Variants in SGCZ observed in about 807,000 individuals in gnomAD.
The protein encoded by SGCZ is sarcoglycan zeta, also known as zeta-sarcoglycan.
A neutral mutation model predicts 41.3 loss-of-function variants in SGCZ; 40 were observed. The observed-to-expected ratio is 0.97, with a 90% CI of 0.75 to 1.26. The LOEUF (loss-of-function observed/expected upper bound fraction) is 1.26. Among genes scored for constraint, SGCZ ranks in the 50% most tolerant of loss-of-function variants. SGCZ has a pLI of 0.00. For missense variants in SGCZ, 552 were observed against 369.8 expected (o/e 1.49, Z -4.04); for synonymous variants, 206 against 137.5 (o/e 1.50, Z -3.49).
chr8:14,709,518 A>T (rs1259131849), intron 1 of SGCZ, among the ~76,000 whole-genome samples: 5 of 152,194 alleles, frequency 3.3e-5, no homozygotes, highest in Non-Finnish European at 7.3e-5. Flanking sequence ...ACCCTTCTCA[A>T]TTGTGCAGAA....
intron 2 of SGCZ, among the ~76,000 whole-genome samples, chr8:14,394,395 C>T (rs187019275): frequency 6.6e-6 from 1 of 152,020 alleles, no homozygotes; most frequent in African/African-American, 2.4e-5. Context: ...GTGATCCACC[C>T]GCCTCGGCCT....
intron 2 of SGCZ, among the ~76,000 whole-genome samples, chr8:14,449,211 A>G (rs1025868479): frequency 2.0e-5 from 3 of 152,186 alleles, no homozygotes; most frequent in Non-Finnish European, 4.4e-5. Context: ...CAACTTAGGC[A>G]AATTTCATGT....
intron 2 of SGCZ, among the ~76,000 whole-genome samples, chr8:14,476,597 GTCAA>G (rs967457962): frequency 2.0e-5 from 3 of 152,012 alleles, no homozygotes; most frequent in Admixed American, 6.6e-5. Context: ...ATGGCTAATG[GTCAA>G]TCAGAGTTTA....
chr8:14,814,361 G>A (rs1039268528), intron 1 of SGCZ, among the ~76,000 whole-genome samples: 3 of 152,092 alleles, frequency 2.0e-5, no homozygotes, highest in Admixed American at 6.5e-5. Flanking sequence ...GCGTGGAGAG[G>A]AGGTAGAAGA....
intron 2 of SGCZ, among the ~76,000 whole-genome samples, chr8:14,325,897 C>T (rs1351914463): frequency 1.4e-5 from 2 of 145,956 alleles, no homozygotes; most frequent in Admixed American, 6.9e-5. Context: ...CGGATCACGA[C>T]GTCAGGAGAT....
intron 2 of SGCZ, among the ~76,000 whole-genome samples, chr8:14,333,202 A>G (rs903911827): frequency 2.0e-5 from 3 of 152,148 alleles, no homozygotes; most frequent in African/African-American, 4.8e-5. Context: ...GCTGGGAACC[A>G]AATCAGTGGT....
intron 1 of SGCZ, among the ~76,000 whole-genome samples, chr8:14,703,745 T>C (rs771846517): frequency 8.6e-5 from 13 of 152,018 alleles, no homozygotes; most frequent in Non-Finnish European, 1.3e-4. Flanking sequence ...GGCTGTGGTC[T>C]CTTAATAACA....
intron 1 of SGCZ, among the ~76,000 whole-genome samples, chr8:14,616,929 C>T (rs1377179119): frequency 6.6e-6 from 1 of 152,018 alleles, no homozygotes; most frequent in Non-Finnish European, 1.5e-5. Flanking sequence ...TTAGGTTGTT[C>T]TCTGCTATTT....
intron 1 of SGCZ, among the ~76,000 whole-genome samples, chr8:14,814,760 G>C (rs900792432): frequency 1.3e-5 from 2 of 152,014 alleles, no homozygotes; most frequent in Admixed American, 6.6e-5. Context: ...GCAGAAATCG[G>C]TTAAGACTAT....
At chr8:14,306,141 C>T (rs1801346061) in intron 3 of SGCZ, among the ~76,000 whole-genome samples, 1 of 152,300 alleles carries the variant, frequency 6.6e-6, no homozygotes, top group South Asian at 2.1e-4. Flanking sequence ...CAAAAGCTAA[C>T]TGAATCCATC....
intron 3 of SGCZ, among the ~76,000 whole-genome samples, chr8:14,240,800 T>A (rs978376225): frequency 6.6e-6 from 1 of 152,214 alleles, no homozygotes; most frequent in African/African-American, 2.4e-5. Context: ...TCTTTGTGGA[T>A]TAGACCCATT....
chr8:15,208,615 G>T (rs1801142721), intron 1 of SGCZ, among the ~76,000 whole-genome samples: 1 of 152,134 alleles, frequency 6.6e-6, no homozygotes, highest in Non-Finnish European at 1.5e-5. Context: ...AGAAAAGTCT[G>T]TAAGGTAGGA....
At chr8:14,954,398 A>G (rs61206690) in intron 1 of SGCZ, among the ~76,000 whole-genome samples, 17,671 of 152,184 alleles carry the variant, frequency 0.12, 1,230 homozygotes, top group African/African-American at 0.18. Flanking sequence ...GTTGTCTTCA[A>G]TGATTTCCTG....
intron 1 of SGCZ, among the ~76,000 whole-genome samples, chr8:14,636,514 A>G (rs534923847): frequency 1.3e-5 from 2 of 152,006 alleles, no homozygotes; most frequent in East Asian, 1.9e-4. Flanking sequence ...TGAAGAGGCA[A>G]TAGAAAAATC....
At chr8:15,202,268 A>G (rs1800914467) in intron 1 of SGCZ, among the ~76,000 whole-genome samples, 1 of 152,202 alleles carries the variant, frequency 6.6e-6, no homozygotes, top group South Asian at 2.1e-4. Flanking sequence ...TCAATGAGTG[A>G]ATAAAGAAAA....
chr8:14,992,904 T>G (rs1465743617), intron 1 of SGCZ, among the ~76,000 whole-genome samples: 1 of 140,142 alleles, frequency 7.1e-6, no homozygotes. Flanking sequence ...TCATCCAATC[T>G]ACTCCCAAAT....
intron 1 of SGCZ, among the ~76,000 whole-genome samples, chr8:14,939,586 T>C (rs1176302833): frequency 6.6e-6 from 1 of 152,158 alleles, no homozygotes; most frequent in Admixed American, 6.5e-5. Flanking sequence ...AAAGAAATGA[T>C]ATTTTAAAAT....
intron 1 of SGCZ, among the ~76,000 whole-genome samples, chr8:14,963,150 C>A (rs975042005): frequency 2.6e-5 from 4 of 152,054 alleles, no homozygotes; most frequent in African/African-American, 9.7e-5. Context: ...GGTTAATACT[C>A]CCAGGAAAAT....
chr8:15,127,210 T>C (rs1364312712), intron 1 of SGCZ, among the ~76,000 whole-genome samples: 1 of 151,060 alleles, frequency 6.6e-6, no homozygotes, highest in African/African-American at 2.4e-5. Flanking sequence ...AACCCTGATG[T>C]AAAAAGTAGA....
Sources: gnomAD v4.1 joint callset for allele counts (sites outside exome capture counted in the v4.1 genomes callset) on GRCh38, gnomAD v4.1.1 for gene constraint, MANE v1.5 for transcripts, NCBI Gene and HGNC (gene_info 2026-07-23, HGNC 2026-07-21) for gene names.